The following GPHN variants were observed in gnomAD, a reference collection of about 807,000 sequenced individuals.
GPHN encodes the protein gephyrin.
Under a neutral mutation model 95.5 loss-of-function variants are expected in GPHN, and 17 were observed. The observed-to-expected ratio is 0.18, with a 90% CI of 0.12 to 0.27. The LOEUF (loss-of-function observed/expected upper bound fraction) is 0.27. GPHN is among the 10% of genes least tolerant of loss of function. The pLI is 1.00. For missense variants in GPHN, 660 were observed against 978.1 expected (o/e 0.67, Z 4.34); for synonymous variants, 320 against 322.5 (o/e 0.99, Z 0.08).
intron 21 of GPHN, among the ~76,000 whole-genome samples, chr14:67,169,371 G>T (rs1258493261): frequency 6.6e-6 from 1 of 152,198 alleles, no homozygotes; most frequent in African/African-American, 2.4e-5. Flanking sequence ...GAACAAGGGA[G>T]AATTTTCTTT....
chr14:67,492,196 C>T, the GPHN span, among the ~76,000 whole-genome samples: 2 of 152,182 alleles, frequency 1.3e-5, no homozygotes, highest in East Asian at 1.9e-4. Context: ...TCTGGTCCCA[C>T]GTCTATTTCC....
chr14:67,587,651 A>C, the GPHN span: 1 of 210,470 alleles, frequency 4.8e-6, no homozygotes, highest in Non-Finnish European at 9.7e-6. Context: ...GGGTTCAAGC[A>C]ATTCTCCTGC....
the GPHN span, among the ~76,000 whole-genome samples, chr14:67,225,960 T>TGTGTGTGTGCGC: frequency 8.4e-6 from 1 of 119,756 alleles, no homozygotes; most frequent in Non-Finnish European, 1.6e-5. Context: ...TGTGTGTGTG[T>TGTGTGTGTGCGC]GTGCGCGCGC....
intron 4 of GPHN, chr14:66,842,756 T>A (rs2062150201): frequency 7.1e-7 from 1 of 1,411,508 alleles, no homozygotes; most frequent in Non-Finnish European, 9.6e-7. Flanking sequence ...ATTTTCAGAT[T>A]AATAATTTTT....
intron 2 of GPHN, among the ~76,000 whole-genome samples, chr14:66,763,670 G>A (rs1356101931): frequency 6.6e-6 from 1 of 151,836 alleles, no homozygotes; most frequent in East Asian, 1.9e-4. Flanking sequence ...TATTCATATT[G>A]TATTAGGTAT....
chr14:67,023,421 G>A (rs909414835), intron 9 of GPHN, among the ~76,000 whole-genome samples: 10 of 151,844 alleles, frequency 6.6e-5, no homozygotes, highest in Admixed American at 4.6e-4. Context: ...ATTGTACCCC[G>A]AATTTTTTTC....
chr14:67,696,391 G>C, the GPHN span, among the ~76,000 whole-genome samples: 1 of 152,200 alleles, frequency 6.6e-6, no homozygotes, highest in African/African-American at 2.4e-5. Context: ...TGACAGTTGG[G>C]AAGGTGGGGG....
chr14:66,644,873 G>A (rs981507585), intron 1 of GPHN, among the ~76,000 whole-genome samples: 8 of 152,044 alleles, frequency 5.3e-5, no homozygotes. Context: ...TATTTAAATA[G>A]TAATAATTTT....
the GPHN span, among the ~76,000 whole-genome samples, chr14:67,233,927 A>C: frequency 6.6e-6 from 1 of 152,262 alleles, no homozygotes. Flanking sequence ...GCAGAAGTTC[A>C]GACTAAAGAT....
intron 11 of GPHN, among the ~76,000 whole-genome samples, chr14:67,076,166 C>CT (rs2076485015): frequency 6.6e-6 from 1 of 152,298 alleles, no homozygotes; most frequent in African/African-American, 2.4e-5. Context: ...CAGCAGCCAT[C>CT]AACATGGAGG....
chr14:66,611,631 A>G (rs1204236603), intron 1 of GPHN, among the ~76,000 whole-genome samples: 1 of 152,166 alleles, frequency 6.6e-6, no homozygotes, highest in African/African-American at 2.4e-5. Flanking sequence ...ACCTCATGAT[A>G]TTCTGTTTTC....
chr14:66,508,610 C>T lies in GPHN; in HGVS notation c.64+19C>T. ...CTTACAGGTAACCGGGGGAGGAGGT[C>T]TGGGACCTATGAGGCTGCTGTCCCT... On this transcript the variant is annotated intron_variant, in intron 1 of 22. Transcript: ENST00000478722. 6.2e-7 allele frequency: 1 copy of T among 1,603,346 alleles called. No homozygotes were observed. Among genetic ancestry groups the T allele is most frequent in the Non-Finnish European group, 8.5e-7 (1 of 1,170,148 alleles).
chr14:66,906,803 A>T (rs1437654589), intron 5 of GPHN, among the ~76,000 whole-genome samples: 1 of 152,100 alleles, frequency 6.6e-6, no homozygotes, highest in East Asian at 1.9e-4. Flanking sequence ...TCTGTTACTG[A>T]TTTCAACTTT....
At position 67,100,241 on chromosome 14, in the gene GPHN, T is replaced by C. The variant is rs1232127620; in HGVS notation, c.1238-615T>C. Among the ~76,000 whole-genome samples the C allele has an allele frequency of 2.6e-5, 4 of 152,324 alleles. No individual in the cohort carries two copies. In the South Asian group the frequency reaches 8.3e-4, roughly 32 times the overall value. On this transcript the variant is annotated intron_variant, in intron 12 of 22. Transcript: ENST00000478722. The stretch of plus-strand genomic sequence containing the variant: ...CCTAGCTCTACCATTAACCAGAAAT[T>C]GTTCAGAGTACTTTACCTTTTCTTT...
chr14:67,639,437 G>A, the GPHN span, among the ~76,000 whole-genome samples: 1 of 152,058 alleles, frequency 6.6e-6, no homozygotes, highest in Non-Finnish European at 1.5e-5. Flanking sequence ...ATTCCTTAGA[G>A]TGCAATTACC....
intron 1 of GPHN, among the ~76,000 whole-genome samples, chr14:66,652,822 CA>C (rs1385211432): frequency 6.6e-6 from 1 of 152,128 alleles, no homozygotes; most frequent in Non-Finnish European, 1.5e-5. Flanking sequence ...TCCTTTCTCC[CA>C]TCCCAGCAGT....
chr14:67,536,638 C>A, the GPHN span, among the ~76,000 whole-genome samples: 1 of 151,886 alleles, frequency 6.6e-6, no homozygotes, highest in Non-Finnish European at 1.5e-5. Flanking sequence ...TTGTAGGGAG[C>A]TACCAGGATA....
At chr14:66,771,721 C>A (rs994019197) in intron 2 of GPHN, among the ~76,000 whole-genome samples, 1 of 114,736 alleles carries the variant, frequency 8.7e-6, no homozygotes, top group Non-Finnish European at 1.7e-5. Context: ...GCTATCCCTC[C>A]CCCCTCCCCC....
chr14:67,394,757 T>C, the GPHN span, among the ~76,000 whole-genome samples: 2 of 152,202 alleles, frequency 1.3e-5, no homozygotes, highest in African/African-American at 4.8e-5. Context: ...AGGTGATGCC[T>C]TTAAGAGGTG....
Sources: gnomAD v4.1 joint callset for allele counts (sites outside exome capture counted in the v4.1 genomes callset) on GRCh38, gnomAD v4.1.1 for gene constraint, MANE v1.5 for transcripts, NCBI Gene and HGNC (gene_info 2026-07-23, HGNC 2026-07-21) for gene names.